FAM171A1: variants seen among roughly 807,000 people sequenced by gnomAD.
FAM171A1 encodes family with sequence similarity 171 member A1.
Under a neutral mutation model 74.9 loss-of-function variants are expected in FAM171A1, and 23 were observed. The ratio of observed to expected loss-of-function variants is 0.31; its 90% CI spans 0.22 to 0.44. FAM171A1 has a LOEUF of 0.44. Ranked by LOEUF, FAM171A1 falls within the 20% of genes least tolerant of loss-of-function variation. The pLI is 1.00. For missense variants in FAM171A1, 1,162 were observed against 1,159.2 expected (o/e 1.00, Z -0.03); for synonymous variants, 527 against 505.7 (o/e 1.04, Z -0.57).
intron 5 of FAM171A1, chr10:15,241,760 A>G (rs1440281619): frequency 6.6e-6 from 1 of 152,078 alleles, no homozygotes; most frequent in Non-Finnish European, 1.5e-5. Flanking sequence ...AACACTTTGA[A>G]TCCACCCTCT....
At chr10:15,243,428 C>A (rs1380942433) in intron 5 of FAM171A1, among the ~76,000 whole-genome samples, 2 of 152,076 alleles carry the variant, frequency 1.3e-5, no homozygotes, top group African/African-American at 4.8e-5. Context: ...TTCCATCTGC[C>A]ATGGACATCA....
intron 1 of FAM171A1, among the ~76,000 whole-genome samples, chr10:15,313,952 T>G (rs1835393426): frequency 1.3e-5 from 2 of 152,220 alleles, no homozygotes; most frequent in South Asian, 4.1e-4. Flanking sequence ...CACTCCCCAC[T>G]TCCTCGATCT....
chr10:15,326,932 A>G (rs1835562517), intron 1 of FAM171A1, among the ~76,000 whole-genome samples: 1 of 152,146 alleles, frequency 6.6e-6, no homozygotes, highest in African/African-American at 2.4e-5. Flanking sequence ...TCCGGCTACA[A>G]TTCTTGTTTT....
At chr10:15,226,544 AC>A (rs1490945989) in intron 5 of FAM171A1, among the ~76,000 whole-genome samples, 1 of 152,116 alleles carries the variant, frequency 6.6e-6, no homozygotes, top group Non-Finnish European at 1.5e-5. Flanking sequence ...CACCTCCTGA[AC>A]CATCTGGGAG....
At chr10:15,292,000 C>A (rs951856942) in intron 1 of FAM171A1, among the ~76,000 whole-genome samples, 1 of 152,166 alleles carries the variant, frequency 6.6e-6, no homozygotes, top group African/African-American at 2.4e-5. Flanking sequence ...ACCCCATAAA[C>A]TGGGAAGCTA....
chr10:15,219,423 T>A (rs905084364), intron 6 of FAM171A1, among the ~76,000 whole-genome samples: 3 of 152,256 alleles, frequency 2.0e-5, no homozygotes, highest in African/African-American at 7.2e-5. Flanking sequence ...ATGCGTGGGC[T>A]TTATGGCATT....
intron 3 of FAM171A1, among the ~76,000 whole-genome samples, chr10:15,274,665 A>T (rs528372039): frequency 2.0e-5 from 3 of 152,228 alleles, no homozygotes; most frequent in Non-Finnish European, 4.4e-5. Context: ...CCAAAACAGC[A>T]TGGTACTGGT....
intron 5 of FAM171A1, among the ~76,000 whole-genome samples, chr10:15,224,653 G>C (rs1294249294): frequency 6.6e-6 from 1 of 152,098 alleles, no homozygotes; most frequent in African/African-American, 2.4e-5. Flanking sequence ...GGTTTTATAA[G>C]GGGGAGTTTC....
At position 15,315,679 on chromosome 10, in the gene FAM171A1, C is replaced by A. The variant is rs118154712; in HGVS notation, c.98-31574G>T. 7.2e-4 allele frequency among the ~76,000 whole-genome samples: 109 copies of A among 152,310 alleles called. 2 individuals are homozygous for A. In the East Asian group the frequency reaches 0.02, roughly 28 times the overall value. On this transcript the variant is annotated intron_variant, in intron 1 of 7. Transcript: ENST00000378116. ...TCTCACTAATCGAGATCACAGAGACCTTGATCATGCTAGAAAGCCATCGCC... is the reference window on the plus strand; with the variant it reads ...TCTCACTAATCGAGATCACAGAGACATTGATCATGCTAGAAAGCCATCGCC...
chr10:15,315,403 C>T (rs559252850), intron 1 of FAM171A1, among the ~76,000 whole-genome samples: 23 of 152,342 alleles, frequency 1.5e-4, no homozygotes, highest in Non-Finnish European at 2.5e-4. Flanking sequence ...ACATTCACAT[C>T]TGTGCAGGCC....
At chr10:15,303,944 G>A (rs187761700) in intron 1 of FAM171A1, among the ~76,000 whole-genome samples, 3 of 152,334 alleles carry the variant, frequency 2.0e-5, no homozygotes, top group East Asian at 1.9e-4. Flanking sequence ...CTCCTTGTGC[G>A]GGAGCCACAT....
intron 1 of FAM171A1, among the ~76,000 whole-genome samples, chr10:15,366,323 T>C (rs962468549): frequency 6.6e-6 from 1 of 152,194 alleles, no homozygotes; most frequent in Admixed American, 6.5e-5. Flanking sequence ...TTTCACCACG[T>C]TGGCCAGGCT....
chr10:15,365,233 C>T (rs534796512), intron 1 of FAM171A1, among the ~76,000 whole-genome samples: 3 of 152,236 alleles, frequency 2.0e-5, no homozygotes, highest in East Asian at 3.9e-4. Flanking sequence ...AGGGAAGGGA[C>T]GTAAGCAGAC....
chr10:15,251,757 C>G (rs1472795523), intron 4 of FAM171A1, among the ~76,000 whole-genome samples: 1 of 152,102 alleles, frequency 6.6e-6, no homozygotes, highest in Admixed American at 6.6e-5. Context: ...TATTTTCCTT[C>G]TCTTTGTTAT....
chr10:15,340,565 A>G (rs957712414), intron 1 of FAM171A1, among the ~76,000 whole-genome samples: 3 of 152,178 alleles, frequency 2.0e-5, no homozygotes, highest in African/African-American at 7.2e-5. Context: ...CCATGCAGCC[A>G]TGGATCCCAT....
intron 5 of FAM171A1, among the ~76,000 whole-genome samples, chr10:15,238,845 T>C (rs548550443): frequency 6.6e-6 from 1 of 152,372 alleles, no homozygotes; most frequent in Admixed American, 6.5e-5. Context: ...TTCTACAATG[T>C]AGCTTCACTC....
At chr10:15,228,811 C>G (rs1486152184) in intron 5 of FAM171A1, among the ~76,000 whole-genome samples, 1 of 152,204 alleles carries the variant, frequency 6.6e-6, no homozygotes, top group Non-Finnish European at 1.5e-5. Flanking sequence ...GTCGTGTGCG[C>G]TGAGGACATG....
At chr10:15,215,970 A>T (rs977585806) in intron 7 of FAM171A1, 26 bp downstream of exon 7, 1 of 1,472,340 alleles carries the variant, frequency 6.8e-7, no homozygotes, top group Non-Finnish European at 9.3e-7. Flanking sequence ...ATTAAAAAAG[A>T]TATTGCCAAA....
chr10:15,254,340 G>A (rs1259144625), intron 4 of FAM171A1, among the ~76,000 whole-genome samples: 2 of 152,156 alleles, frequency 1.3e-5, no homozygotes, highest in African/African-American at 4.8e-5. Context: ...CCTCTCAAAT[G>A]GGGGCTCGTG....
Sources: gnomAD v4.1 joint callset for allele counts (sites outside exome capture counted in the v4.1 genomes callset) on GRCh38, gnomAD v4.1.1 for gene constraint, MANE v1.5 for transcripts, NCBI Gene and HGNC (gene_info 2026-07-23, HGNC 2026-07-21) for gene names.